LHFPL3: variants seen among roughly 807,000 people sequenced by gnomAD.
The protein encoded by LHFPL3 is LHFPL tetraspan subfamily member 3, also known as LHFPL tetraspan subfamily member 3 protein.
Under a neutral mutation model 19.3 loss-of-function variants are expected in LHFPL3, and 5 were observed. That is an observed-to-expected ratio of 0.26 (90% CI 0.14 to 0.54). The LOEUF (loss-of-function observed/expected upper bound fraction) is 0.54, where lower values mean the gene tolerates loss of function less well. Among genes scored for constraint, LHFPL3 ranks in the 20% least tolerant of loss-of-function variants. LHFPL3 has a pLI of 0.94. For synonymous variants in LHFPL3, 133 were observed against 126.2 expected (o/e 1.05, Z -0.36); for missense variants, 249 against 307.4 (o/e 0.81, Z 1.42).
intron 1 of LHFPL3, among the ~76,000 whole-genome samples, chr7:104,671,668 A>G (rs1333782397): frequency 6.6e-6 from 1 of 151,984 alleles, no homozygotes; most frequent in Non-Finnish European, 1.5e-5. Context: ...AATACTAACT[A>G]TTTGTGTGAA....
At chr7:104,740,244 C>G (rs1468783303) in intron 2 of LHFPL3, among the ~76,000 whole-genome samples, 1 of 152,126 alleles carries the variant, frequency 6.6e-6, no homozygotes, top group African/African-American at 2.4e-5. Flanking sequence ...TACACAGTCT[C>G]AAGAAGTTCT....
intron 1 of LHFPL3, among the ~76,000 whole-genome samples, chr7:104,413,575 G>T (rs1163156108): frequency 3.3e-5 from 5 of 152,182 alleles, no homozygotes; most frequent in African/African-American, 1.2e-4. Flanking sequence ...GCCAGTCAGA[G>T]GTGGAGTGGG....
At chr7:104,398,818 C>G (rs1791248819) in intron 1 of LHFPL3, among the ~76,000 whole-genome samples, 1 of 146,362 alleles carries the variant, frequency 6.8e-6, no homozygotes, top group Non-Finnish European at 1.5e-5. Flanking sequence ...GTTGTCACCT[C>G]CTTCTGGAAA....
intron 2 of LHFPL3, among the ~76,000 whole-genome samples, chr7:104,818,194 T>A (rs1221090376): frequency 2.0e-5 from 3 of 152,136 alleles, no homozygotes; most frequent in Admixed American, 2.0e-4. Flanking sequence ...AATATGGTGG[T>A]TCATTTTCCT....
intron 1 of LHFPL3, among the ~76,000 whole-genome samples, chr7:104,455,344 T>G (rs1231241496): frequency 6.6e-6 from 1 of 151,312 alleles, no homozygotes; most frequent in African/African-American, 2.4e-5. Flanking sequence ...TGGACAATTA[T>G]ACATGGTAAG....
intron 1 of LHFPL3, among the ~76,000 whole-genome samples, chr7:104,378,754 T>C (rs1337092192): frequency 1.3e-5 from 2 of 152,218 alleles, no homozygotes; most frequent in African/African-American, 4.8e-5. Context: ...AGTGATGATG[T>C]TAAGCATCTT....
intron 1 of LHFPL3, among the ~76,000 whole-genome samples, chr7:104,464,627 C>T (rs1040819685): frequency 6.6e-5 from 10 of 152,236 alleles, no homozygotes; most frequent in South Asian, 2.1e-4. Context: ...ATGGAAGCTG[C>T]GAAGGCTTGG....
At chr7:104,693,794 G>GTTTT (rs71155519) in intron 1 of LHFPL3, among the ~76,000 whole-genome samples, 1 of 146,556 alleles carries the variant, frequency 6.8e-6, no homozygotes, top group African/African-American at 2.5e-5. Flanking sequence ...TAATTGTGGG[G>GTTTT]TTTTTTTTTT....
intron 2 of LHFPL3, among the ~76,000 whole-genome samples, chr7:104,804,470 T>C (rs568624234): frequency 6.6e-6 from 1 of 152,370 alleles, no homozygotes; most frequent in Non-Finnish European, 1.5e-5. Context: ...CCTTTTGTAA[T>C]GCTCTTCACC....
intron 1 of LHFPL3, among the ~76,000 whole-genome samples, chr7:104,572,931 G>C (rs1790255601): frequency 6.6e-6 from 1 of 152,122 alleles, no homozygotes; most frequent in East Asian, 1.9e-4. Context: ...GAAATAGCAG[G>C]TCTAAAAGGA....
intron 1 of LHFPL3, among the ~76,000 whole-genome samples, chr7:104,610,792 C>A (rs551150820): frequency 6.6e-6 from 1 of 152,298 alleles, no homozygotes; most frequent in Non-Finnish European, 1.5e-5. Flanking sequence ...ATAGGCACAC[C>A]CAGAAATAAT....
intron 1 of LHFPL3, among the ~76,000 whole-genome samples, chr7:104,625,941 C>T (rs1239742412): frequency 2.0e-5 from 3 of 152,178 alleles, no homozygotes; most frequent in African/African-American, 7.2e-5. Context: ...CCCCTGCTAG[C>T]CAGCTGTCAT....
intron 1 of LHFPL3, among the ~76,000 whole-genome samples, chr7:104,652,012 A>G (rs1792042478): frequency 6.6e-6 from 1 of 152,220 alleles, no homozygotes; most frequent in Non-Finnish European, 1.5e-5. Context: ...GGCTTTTGTG[A>G]TAAGATGGAG....
chr7:104,888,540 A>G (rs948275365), intron 2 of LHFPL3, among the ~76,000 whole-genome samples: 1 of 152,184 alleles, frequency 6.6e-6, no homozygotes, highest in Non-Finnish European at 1.5e-5. Flanking sequence ...AAAGAGATAT[A>G]TAATACAGAT....
At chr7:104,371,371 T>G (rs979479265) in intron 1 of LHFPL3, among the ~76,000 whole-genome samples, 1 of 152,230 alleles carries the variant, frequency 6.6e-6, no homozygotes, top group African/African-American at 2.4e-5. Flanking sequence ...TTACTTATGT[T>G]TCTCCTCTAG....
At chr7:104,635,417 G>A (rs1241145178) in intron 1 of LHFPL3, among the ~76,000 whole-genome samples, 1 of 152,130 alleles carries the variant, frequency 6.6e-6, no homozygotes, top group Admixed American at 6.5e-5. Flanking sequence ...GAGAGGACTG[G>A]AAAAGCTTCT....
intron 2 of LHFPL3, among the ~76,000 whole-genome samples, chr7:104,786,749 T>G (rs1789925197): frequency 6.9e-6 from 1 of 145,870 alleles, no homozygotes; most frequent in Non-Finnish European, 1.5e-5. Context: ...AAAAAAAGAT[T>G]TATATACCCA....
At chr7:104,633,495 C>T (rs914448194) in intron 1 of LHFPL3, among the ~76,000 whole-genome samples, 7 of 152,162 alleles carry the variant, frequency 4.6e-5, no homozygotes, top group African/African-American at 1.7e-4. Context: ...TTCTCATCCC[C>T]ATCAGTTTAG....
At chr7:104,425,130 A>G (rs1018608131) in intron 1 of LHFPL3, among the ~76,000 whole-genome samples, 4 of 152,040 alleles carry the variant, frequency 2.6e-5, no homozygotes. Flanking sequence ...TATTCTGATC[A>G]CTACATAGTA....
Sources: gnomAD v4.1 joint callset for allele counts (sites outside exome capture counted in the v4.1 genomes callset) on GRCh38, gnomAD v4.1.1 for gene constraint, MANE v1.5 for transcripts, NCBI Gene and HGNC (gene_info 2026-07-23, HGNC 2026-07-21) for gene names.